Variants in NDUFAF2 observed in about 807,000 individuals in gnomAD.
NDUFAF2 encodes the protein NADH dehydrogenase [ubiquinone] 1 alpha subcomplex assembly factor 2.
A neutral mutation model predicts 22.8 loss-of-function variants in NDUFAF2; 13 were observed. The observed-to-expected ratio is 0.57, with a 90% CI of 0.37 to 0.91. NDUFAF2 has a LOEUF of 0.91. Among genes scored for constraint, NDUFAF2 ranks in the 40% least tolerant of loss-of-function variants. NDUFAF2 has a pLI of 0.01. For missense variants in NDUFAF2, 162 were observed against 195.2 expected (o/e 0.83, Z 1.01); for synonymous variants, 53 against 64.2 (o/e 0.83, Z 0.84).
chr5:60,987,252 C>T (rs79180135), intron 1 of NDUFAF2, among the ~76,000 whole-genome samples: 3,657 of 152,092 alleles, frequency 0.024, 62 homozygotes, highest in Non-Finnish European at 0.037. Flanking sequence ...CTGAACAGAC[C>T]GATAATGAGC....
At chr5:61,102,866 A>C (rs1262631268) in intron 3 of NDUFAF2, among the ~76,000 whole-genome samples, 3 of 145,942 alleles carry the variant, frequency 2.1e-5, no homozygotes, top group Non-Finnish European at 4.7e-5. Context: ...TAAGTATATG[A>C]AAATATACTT....
chr5:61,131,106 A>G lies in NDUFAF2; in HGVS notation c.259-21598A>G, dbSNP rs76561726. Among the ~76,000 whole-genome samples the G allele has an allele frequency of 8.8e-3, 1,333 of 152,242 alleles. 22 individuals are homozygous for G. The highest frequency in any genetic ancestry group is 0.031 in the African/African-American group (1,277 of 41,560). On this transcript the variant is annotated intron_variant, in intron 3 of 3. Coordinates refer to ENST00000296597, the MANE Select transcript of NDUFAF2 (RefSeq NM_174889.5). ...GGGAAAAGTTTTAAAATACAGAATAAAGACTTCTCTTTTTTGTATTGACAA... is the reference window on the plus strand; with the variant it reads ...GGGAAAAGTTTTAAAATACAGAATAGAGACTTCTCTTTTTTGTATTGACAA...
At chr5:61,103,191 T>G (rs189485418) in intron 3 of NDUFAF2, among the ~76,000 whole-genome samples, 2 of 152,260 alleles carry the variant, frequency 1.3e-5, no homozygotes, top group Non-Finnish European at 2.9e-5. Flanking sequence ...CAAGGCTTCC[T>G]GATTTGGGCC....
intron 1 of NDUFAF2, among the ~76,000 whole-genome samples, chr5:61,010,767 A>G (rs1451475289): frequency 5.9e-5 from 9 of 152,180 alleles, no homozygotes; most frequent in Non-Finnish European, 1.5e-5. Context: ...CATATAGCAA[A>G]TCACTACATT....
Position 61,045,226 on chromosome 5 carries a change from ATTAAATTTTAATAAAATAAAATAAAG to A in NDUFAF2, c.128-27896_128-27871del, listed in dbSNP as rs1406148433. On this transcript the variant is annotated intron_variant, in intron 1 of 3. Transcript: ENST00000296597. Reference sequence around the variant, plus strand: ...TTTTAATAAAATAAAATAAAGTTTTATTAAATTTTAATAAAATAAAATAAAGTTTTATTAAATTTTAATAAAATAAA... The same window carrying A: ...TTTTAATAAAATAAAATAAAGTTTTATTTTATTAAATTTTAATAAAATAAA... Among the ~76,000 whole-genome samples the A allele has an allele frequency of 4.0e-4, 48 of 120,996 alleles. 8 individuals carry two copies. Among genetic ancestry groups the A allele is most frequent in the Middle Eastern group, 5.0e-3 (1 of 202 alleles). The allele number at this position is 120,996 out of a possible 152,430, so 79.4% of individuals were successfully genotyped here.
At chr5:61,111,399 C>T (rs1034447548) in intron 3 of NDUFAF2, among the ~76,000 whole-genome samples, 3 of 152,008 alleles carry the variant, frequency 2.0e-5, no homozygotes, top group African/African-American at 7.2e-5. Context: ...CTTTCCAGTA[C>T]TTAAAGTGGG....
intron 1 of NDUFAF2, among the ~76,000 whole-genome samples, chr5:60,965,936 A>C (rs1390199884): frequency 6.6e-6 from 1 of 151,968 alleles, no homozygotes; most frequent in Non-Finnish European, 1.5e-5. Context: ...TTTTTGAGAA[A>C]TCTCCATACT....
At chr5:61,032,360 G>A (rs1447971486) in intron 1 of NDUFAF2, among the ~76,000 whole-genome samples, 1 of 152,070 alleles carries the variant, frequency 6.6e-6, no homozygotes, top group East Asian at 1.9e-4. Context: ...ATGGTTTTAG[G>A]TCTTATGCTT....
At chr5:61,029,229 T>C (rs935724373) in intron 1 of NDUFAF2, among the ~76,000 whole-genome samples, 7 of 152,084 alleles carry the variant, frequency 4.6e-5, no homozygotes, top group Non-Finnish European at 7.4e-5. Flanking sequence ...GCAGGTGATA[T>C]ATGGAAATGT....
At chr5:61,056,911 AAAAAAAAAATATATATATATATATAT>A (rs1378516459) in intron 1 of NDUFAF2, among the ~76,000 whole-genome samples, 2 of 41,602 alleles carry the variant, frequency 4.8e-5, no homozygotes, top group Non-Finnish European at 8.4e-5. Flanking sequence ...AAAAAAAAAA[AAAAAAAAAATATATATATATATATAT>A]ATATATATAT....
intron 3 of NDUFAF2, among the ~76,000 whole-genome samples, chr5:61,147,437 C>CTTTTTTTTCTTTTTTT (rs1741156730): frequency 1.2e-5 from 1 of 84,728 alleles, no homozygotes; most frequent in East Asian, 5.6e-4. Flanking sequence ...TTTTTTCTTT[C>CTTTTTTTTCTTTTTTT]TTTTTTTTTT....
At chr5:61,041,857 G>A (rs1010049974) in intron 1 of NDUFAF2, among the ~76,000 whole-genome samples, 1 of 152,102 alleles carries the variant, frequency 6.6e-6, no homozygotes. Flanking sequence ...TTTTCTCTCC[G>A]CTTTCCAACG....
intron 1 of NDUFAF2, among the ~76,000 whole-genome samples, chr5:61,040,286 A>ACACGCGCGCGCGCGCG (rs1491193758): frequency 3.2e-4 from 30 of 93,084 alleles, no homozygotes; most frequent in South Asian, 2.1e-3. Flanking sequence ...ACACACACAC[A>ACACGCGCGCGCGCGCG]CGCGCGCGCG....
chr5:60,956,806 C>T (rs944949736), intron 1 of NDUFAF2, among the ~76,000 whole-genome samples: 1 of 152,022 alleles, frequency 6.6e-6, no homozygotes, highest in Non-Finnish European at 1.5e-5. Flanking sequence ...TTTAGACACA[C>T]GTATATTTGG....
intron 1 of NDUFAF2, among the ~76,000 whole-genome samples, chr5:60,996,330 A>G (rs374755265): frequency 2.0e-5 from 3 of 152,092 alleles, no homozygotes; most frequent in African/African-American, 7.2e-5. Flanking sequence ...GTATCTAGAA[A>G]TGTCATCTGG....
chr5:61,093,406 G>C (rs1199224759), intron 2 of NDUFAF2, among the ~76,000 whole-genome samples: 2 of 152,234 alleles, frequency 1.3e-5, no homozygotes, highest in East Asian at 3.9e-4. Context: ...GTCATATATG[G>C]CTCTTATTAT....
chr5:61,095,091 G>A (rs563822153), intron 2 of NDUFAF2, among the ~76,000 whole-genome samples: 33 of 152,276 alleles, frequency 2.2e-4, no homozygotes, highest in Non-Finnish European at 4.0e-4. Flanking sequence ...AGCAAAGATG[G>A]CGGCCTAACT....
chr5:61,067,904 T>A (rs1380438546), intron 1 of NDUFAF2, among the ~76,000 whole-genome samples: 1 of 152,194 alleles, frequency 6.6e-6, no homozygotes, highest in Non-Finnish European at 1.5e-5. Flanking sequence ...ATTTCTCTGA[T>A]GGCCAGTGAT....
intron 1 of NDUFAF2, among the ~76,000 whole-genome samples, chr5:61,014,519 A>G (rs1751482536): frequency 6.6e-6 from 1 of 152,140 alleles, no homozygotes; most frequent in Non-Finnish European, 1.5e-5. Context: ...TTGAGGAGGG[A>G]GTCCTGGGAA....
Sources: gnomAD v4.1 joint callset for allele counts (sites outside exome capture counted in the v4.1 genomes callset) on GRCh38, gnomAD v4.1.1 for gene constraint, MANE v1.5 for transcripts, NCBI Gene and HGNC (gene_info 2026-07-23, HGNC 2026-07-21) for gene names.